The following PARD3 variants were observed in gnomAD, a reference collection of about 807,000 sequenced individuals.
The protein encoded by PARD3 is partitioning defective 3 homolog.
PARD3 carries 75 observed loss-of-function variants against 155.4 expected under a neutral mutation model. That is an observed-to-expected ratio of 0.48 (90% CI 0.40 to 0.58). PARD3 has a LOEUF of 0.58. Among genes scored for constraint, PARD3 ranks in the 20% least tolerant of loss-of-function variants. The pLI is 0.00. For missense variants in PARD3, 1,642 were observed against 1,721.7 expected (o/e 0.95, Z 0.82); for synonymous variants, 576 against 610.5 (o/e 0.94, Z 0.83).
At position 34,158,996 on chromosome 10, in the gene PARD3, C is replaced by T. The variant is rs575428941; in HGVS notation, c.3420-27413G>A. Among the ~76,000 whole-genome samples the T allele has an allele frequency of 4.6e-5, 7 of 152,284 alleles. No homozygotes were observed. The South Asian group carries it at 1.5e-3, about 32-fold the overall frequency. ...ATTTCCAAGGATGAAGACTGAATTG[C>T]AGCATTTTGCATTCTCAAATCTTGA... On this transcript the variant is annotated intron_variant, in intron 22 of 24. Transcript: ENST00000374788.
At chr10:34,686,487 G>A (rs2093956013) in intron 2 of PARD3, among the ~76,000 whole-genome samples, 1 of 151,492 alleles carries the variant, frequency 6.6e-6, no homozygotes, top group South Asian at 2.1e-4. Flanking sequence ...TATAATCCCA[G>A]CACTTTGGGA....
At position 34,212,662 on chromosome 10, in the gene PARD3, A is replaced by AG. The variant is rs397845677; in HGVS notation, c.3419+56994dup. On this transcript the variant is annotated intron_variant, in intron 22 of 24. Transcript: ENST00000374788. ...GAACAATGGGAAGGTCAGTTGGGGC[A>AG]GGGGGGGTTCTGAGGGGGGCAAAGG... Among the ~76,000 whole-genome samples, 4 of 145,808 alleles carry AG rather than the reference A, an allele frequency of 2.7e-5. No homozygotes were observed. The East Asian group carries it at 6.2e-4, about 23-fold the overall frequency.
At chr10:34,312,942 A>G (rs1334527923) in intron 20 of PARD3, among the ~76,000 whole-genome samples, 2 of 152,220 alleles carry the variant, frequency 1.3e-5, no homozygotes, top group Non-Finnish European at 2.9e-5. Flanking sequence ...TAACTTCTTA[A>G]TATCTGACAA....
chr10:34,355,958 C>CAAAAAAAAAAGAAAAAAAAAA (rs1491326864), intron 14 of PARD3, among the ~76,000 whole-genome samples: 1 of 116,198 alleles, frequency 8.6e-6, no homozygotes, highest in African/African-American at 4.6e-5. Context: ...AAAACAAAAC[C>CAAAAAAAAAAGAAAAAAAAAA]AAACAAAAAA....
chr10:34,455,502 AT>A (rs563843966), intron 4 of PARD3, among the ~76,000 whole-genome samples: 1 of 151,684 alleles, frequency 6.6e-6, no homozygotes, highest in Non-Finnish European at 1.5e-5. Context: ...GCTTAGAATG[AT>A]TTTTTTTGAG....
intron 2 of PARD3, among the ~76,000 whole-genome samples, chr10:34,686,316 T>A (rs2093953256): frequency 6.6e-6 from 1 of 152,212 alleles, no homozygotes; most frequent in Non-Finnish European, 1.5e-5. Flanking sequence ...CACTACATAC[T>A]CAAGTTGCTT....
chr10:34,562,690 T>C (rs538443344), intron 2 of PARD3, among the ~76,000 whole-genome samples: 29 of 152,312 alleles, frequency 1.9e-4, no homozygotes, highest in African/African-American at 5.5e-4. Flanking sequence ...TGATACACCA[T>C]CATTATCTGG....
chr10:34,264,861 T>G (rs1955216690), intron 22 of PARD3, among the ~76,000 whole-genome samples: 1 of 152,074 alleles, frequency 6.6e-6, no homozygotes, highest in Non-Finnish European at 1.5e-5. Flanking sequence ...GTGATCCTCC[T>G]GCCCTGGCCT....
chr10:34,576,651 T>G (rs186295908), intron 2 of PARD3, among the ~76,000 whole-genome samples: 2 of 152,158 alleles, frequency 1.3e-5, no homozygotes, highest in Non-Finnish European at 2.9e-5. Flanking sequence ...AGAACTCTAT[T>G]GAAGGAGATG....
intron 22 of PARD3, among the ~76,000 whole-genome samples, chr10:34,215,321 A>G (rs1168120736): frequency 1.3e-5 from 2 of 152,196 alleles, no homozygotes; most frequent in Admixed American, 1.3e-4. Flanking sequence ...GGGATTTCCT[A>G]AGTTTTATGT....
chr10:34,648,743 C>A (rs374051622), intron 2 of PARD3, among the ~76,000 whole-genome samples: 146 of 152,296 alleles, frequency 9.6e-4, no homozygotes, highest in African/African-American at 3.3e-3. Flanking sequence ...CAGTGGTCTG[C>A]GGGTTGGGGA....
At chr10:34,631,420 G>A (rs1332338454) in intron 2 of PARD3, among the ~76,000 whole-genome samples, 1 of 152,116 alleles carries the variant, frequency 6.6e-6, no homozygotes, top group African/African-American at 2.4e-5. Flanking sequence ...TTAGGAGGGG[G>A]CAGTGATTAA....
intron 22 of PARD3, among the ~76,000 whole-genome samples, chr10:34,203,117 T>C (rs914796994): frequency 7.9e-5 from 12 of 152,200 alleles, no homozygotes; most frequent in African/African-American, 2.7e-4. Context: ...CAAGAAAATA[T>C]GATGGTTTAG....
intron 1 of PARD3, among the ~76,000 whole-genome samples, chr10:34,792,691 G>T (rs1036145527): frequency 1.3e-5 from 2 of 152,194 alleles, no homozygotes; most frequent in African/African-American, 2.4e-5. Context: ...GAGGTCTACA[G>T]TGACCTGTGC....
chr10:34,429,245 G>C (rs1305868074), intron 5 of PARD3, among the ~76,000 whole-genome samples: 1 of 152,010 alleles, frequency 6.6e-6, no homozygotes, highest in African/African-American at 2.4e-5. Flanking sequence ...TTCATGAAAT[G>C]AAATGATATT....
chr10:34,812,328 G>C lies in PARD3; in HGVS notation c.120+2548C>G, dbSNP rs1157302995. Among the ~76,000 whole-genome samples, 5 of 152,256 alleles carry C rather than the reference G, an allele frequency of 3.3e-5. No homozygotes were observed. In the East Asian group the frequency reaches 7.7e-4, roughly 23 times the overall value. ...CTGCCCACACTTTTCCCCACCAGAT[G>C]GGAGCTCATCAAGCCACATGTCACC... is the stretch of plus-strand genomic sequence containing the variant. On this transcript the variant is annotated intron_variant, in intron 1 of 24. Coordinates refer to ENST00000374788, the MANE Select transcript of PARD3 (RefSeq NM_001184785.2).
At chr10:34,686,556 TA>T (rs2093957047) in intron 2 of PARD3, among the ~76,000 whole-genome samples, 1 of 150,786 alleles carries the variant, frequency 6.6e-6, no homozygotes, top group Non-Finnish European at 1.5e-5. Context: ...GTCAACATGG[TA>T]AAACCCCATC....
intron 2 of PARD3, among the ~76,000 whole-genome samples, chr10:34,586,667 C>T (rs2088086355): frequency 6.6e-6 from 1 of 152,124 alleles, no homozygotes; most frequent in Non-Finnish European, 1.5e-5. Context: ...GCACTCATGG[C>T]CAGGCGCAGT....
At chr10:34,253,682 AATCAGACG>A (rs1233390491) in intron 22 of PARD3, among the ~76,000 whole-genome samples, 1 of 123,942 alleles carries the variant, frequency 8.1e-6, no homozygotes, top group Non-Finnish European at 2.0e-5. Context: ...AGTTTCAAAG[AATCAGACG>A]ACCACTCAGA....
Sources: allele counts gnomAD v4.1 joint callset (sites outside exome capture counted in the v4.1 genomes callset), GRCh38; gene constraint gnomAD v4.1.1; transcripts MANE v1.5; gene names NCBI Gene and HGNC (gene_info 2026-07-23, HGNC 2026-07-21).